PPL: variants seen among roughly 807,000 people sequenced by gnomAD.
The protein encoded by PPL is 190 kDa paraneoplastic pemphigus antigen.
A neutral mutation model predicts 194.4 loss-of-function variants in PPL; 198 were observed. The ratio of observed to expected loss-of-function variants is 1.02; its 90% CI spans 0.91 to 1.15. The LOEUF is 1.15. Among genes scored for constraint, PPL ranks in the 50% most tolerant of loss-of-function variants. The pLI is 0.00. For missense variants in PPL, 2,885 were observed against 2,294.8 expected (o/e 1.26, Z -5.25); for synonymous variants, 1,220 against 972.4 (o/e 1.25, Z -4.74).
chr16:4,903,382 C>T (rs1568020881), intron 3 of PPL, among the ~76,000 whole-genome samples: 1 of 152,134 alleles, frequency 6.6e-6, no homozygotes, highest in South Asian at 2.1e-4. Flanking sequence ...CCTCCATTTC[C>T]CCAACTGCAA....
At position 4,911,617 on chromosome 16, in the gene PPL, C is replaced by T. The variant is rs1468824994; in HGVS notation, c.63-668G>A. 2.0e-5 allele frequency among the ~76,000 whole-genome samples: 3 copies of T among 152,186 alleles called. No individual in the cohort carries two copies. In the East Asian group the frequency reaches 5.8e-4, roughly 29 times the overall value. ...CGGCACAGTCATGGCTCACTGCAGC[C>T]TCTATCTCCCAGGCTCAAGCAATCC... is the stretch of plus-strand genomic sequence containing the variant. On this transcript the variant is annotated intron_variant, in intron 1 of 21. Transcript: ENST00000345988.
rs909266682 is a variant in PPL, at chr16:4,884,293, C to T, written c.4362G>A (p.Gln1454=). The T allele has an allele frequency of 1.2e-6, 2 of 1,611,218 alleles. No individual in the cohort carries two copies. Among genetic ancestry groups the T allele is most frequent in the Non-Finnish European group, 1.7e-6 (2 of 1,178,240 alleles). Residue 1454 remains glutamine (Q), a synonymous_variant, in exon 22 of 22, where the codon CAG becomes CAA. Transcript: ENST00000345988. The surrounding 1 kb of genome is among the most constrained non-coding windows in gnomAD (Gnocchi z 5.7). The part of the protein sequence containing the change: ...TQKVVLQQDP[Q]QAREHALLRL... ...GGAGCAGGGCATGCTCTCGCGCCTG[C>T]TGCGGGTCCTGCTGCAGCACCACCT...
intron 9 of PPL, 135 bp downstream of exon 9, chr16:4,897,540 T>TTC: frequency 3.1e-6 from 2 of 647,474 alleles, no homozygotes; most frequent in East Asian, 2.8e-5. Flanking sequence ...GCATGGGTGC[T>TTC]GGGGGCCTGG....
At chr16:4,906,850 A>G (rs1008699266) in intron 2 of PPL, among the ~76,000 whole-genome samples, 1 of 152,216 alleles carries the variant, frequency 6.6e-6, no homozygotes, top group Admixed American at 6.5e-5. Flanking sequence ...GACAGTGGTT[A>G]TCTGGGTACC....
At chr16:4,920,067 C>T (rs906901381) in intron 1 of PPL, among the ~76,000 whole-genome samples, 15 of 151,998 alleles carry the variant, frequency 9.9e-5, no homozygotes, top group South Asian at 8.3e-4. Context: ...AGGTGGATCA[C>T]GAGGTCAGGA....
At chr16:4,907,880 G>T (rs1235999984) in intron 2 of PPL, among the ~76,000 whole-genome samples, 1 of 152,110 alleles carries the variant, frequency 6.6e-6, no homozygotes, top group Admixed American at 6.6e-5. Context: ...AATAGGCCGG[G>T]TGCAGTGGCT....
chr16:4,917,627 G>A (rs2088951887), intron 1 of PPL, among the ~76,000 whole-genome samples: 2 of 152,150 alleles, frequency 1.3e-5, no homozygotes, highest in South Asian at 2.1e-4. Context: ...TGGGCTGGGC[G>A]TGGTGGCTCG....
At chr16:4,904,628 C>CCA (rs2088645701) in intron 2 of PPL, among the ~76,000 whole-genome samples, 1 of 152,104 alleles carries the variant, frequency 6.6e-6, no homozygotes, top group African/African-American at 2.4e-5. Flanking sequence ...AGAGAGCGAG[C>CCA]TACGACTGGG....
At chr16:4,907,628 G>A (rs1160884166) in intron 2 of PPL, among the ~76,000 whole-genome samples, 1 of 152,082 alleles carries the variant, frequency 6.6e-6, no homozygotes, top group Non-Finnish European at 1.5e-5. Flanking sequence ...GAACTAGATC[G>A]AGGAGATGGT....
At position 4,903,948 on chromosome 16, in the gene PPL, T is replaced by C. The variant is rs2088629223; in HGVS notation, c.255A>G (p.Leu85=). ...GCTTGGCAATGGCCGCATCCGCCTC[T>C]AGCACATAGAGCAGCTTCTCAGAGT... ...VLDSEKLLYV[L]EADAAIAKHM... Residue 85 remains leucine, a synonymous_variant, in exon 3 of 22, where the codon CTA becomes CTG. Coordinates refer to ENST00000345988, the MANE Select transcript of PPL (RefSeq NM_002705.5). The C allele has an allele frequency of 1.2e-6, 2 of 1,614,084 alleles. No individual in the cohort carries two copies. The highest frequency in any genetic ancestry group is 2.2e-5 in the East Asian group (1 of 44,876).
At chr16:4,926,752 G>A (rs139169580) in intron 1 of PPL, among the ~76,000 whole-genome samples, 5,662 of 151,954 alleles carry the variant, frequency 0.037, 131 homozygotes, top group Middle Eastern at 0.058. Context: ...GGTGGCAGGC[G>A]TCTGTAGTCC....
At chr16:4,906,201 C>T (rs1002091734) in intron 2 of PPL, among the ~76,000 whole-genome samples, 2 of 152,122 alleles carry the variant, frequency 1.3e-5, no homozygotes, top group African/African-American at 4.8e-5. Context: ...AGCTTCTTGA[C>T]TTGGAGTGGA....
chr16:4,890,576 C>G (rs2088299997), intron 17 of PPL, 152 bp downstream of exon 17: 2 of 1,094,870 alleles, frequency 1.8e-6, no homozygotes, highest in East Asian at 5.2e-5. Context: ...AAGCATGACT[C>G]AAAAGAGAGA....
At chr16:4,887,630 A>G (rs941816002) in intron 20 of PPL, among the ~76,000 whole-genome samples, 1 of 152,194 alleles carries the variant, frequency 6.6e-6, no homozygotes, top group Admixed American at 6.5e-5. Context: ...TCTTAAAGAC[A>G]GAATCTCTTT....
At chr16:4,907,331 C>T (rs1476565166) in intron 2 of PPL, among the ~76,000 whole-genome samples, 1 of 151,210 alleles carries the variant, frequency 6.6e-6, no homozygotes, top group South Asian at 2.1e-4. Context: ...CACACACACA[C>T]ACACACACAC....
In PPL at chr16:4,885,543, C is replaced by A. The variant is rs750476100; in HGVS notation, c.3112G>T (p.Val1038Leu). The change falls in exon 22 of 22, where the codon GTG (valine) becomes TTG (leucine). Residue 1038 changes from valine to leucine, a missense_variant. Coordinates refer to ENST00000345988, the MANE Select transcript of PPL (RefSeq NM_002705.5). This position sits in a 1 kb window ranked among gnomAD's most constrained non-coding sequence, Gnocchi z 6.3. Reference sequence around the variant, plus strand: ...CTCTTCTCTTCAGCCAGGGCGGCCACACGCTGCTGCAGGAGGAGCACCTCT... The same window carrying A: ...CTCTTCTCTTCAGCCAGGGCGGCCAAACGCTGCTGCAGGAGGAGCACCTCT... ...EAEVLLLQQR[V>L]AALAEEKSRA... is the part of the protein sequence containing the mutation. 4.3e-6 allele frequency: 7 copies of A among 1,610,630 alleles called. No individual in the cohort carries two copies. Among genetic ancestry groups the A allele is most frequent in the Middle Eastern group, 1.7e-4 (1 of 6,048 alleles).
rs768336560 is a variant in PPL, at chr16:4,889,070, CAG to C, written c.2314-11_2314-10del. 24 of 1,612,396 alleles carry C rather than the reference CAG, an allele frequency of 1.5e-5. No individual in the cohort carries two copies. Among genetic ancestry groups the C allele is most frequent in the Non-Finnish European group, 1.8e-5 (21 of 1,179,152 alleles). On this transcript the variant is annotated splice_polypyrimidine_tract_variant and intron_variant, in intron 18 of 21. Coordinates refer to ENST00000345988, the MANE Select transcript of PPL (RefSeq NM_002705.5). ...ATCTCATCTAGCAGGTTCTGTAAGA[CAG>C]AGTTTAAAAATCAAAACTAACCAGA...
At chr16:4,888,889 C>G in intron 19 of PPL, 89 bp downstream of exon 19, 1 of 1,319,450 alleles carries the variant, frequency 7.6e-7, no homozygotes, top group South Asian at 1.2e-5. Flanking sequence ...CCCCATGTGC[C>G]AGGGCCGGTG....
At chr16:4,933,610 G>A (rs916630656) in intron 1 of PPL, among the ~76,000 whole-genome samples, 6 of 152,130 alleles carry the variant, frequency 3.9e-5, no homozygotes, top group Non-Finnish European at 8.8e-5. Flanking sequence ...TATGTGAGTG[G>A]CCAGGGTGGA....
Sources: gnomAD v4.1 joint callset for allele counts (sites outside exome capture counted in the v4.1 genomes callset) on GRCh38, gnomAD v4.1.1 for gene constraint, Gnocchi (gnomAD v3.1) non-coding constraint, MANE v1.5 for transcripts, NCBI Gene and HGNC (gene_info 2026-07-23, HGNC 2026-07-21) for gene names.